ZBBX: variants seen among roughly 807,000 people sequenced by gnomAD.
ZBBX encodes zinc finger B-box domain-containing protein 1.
Under a neutral mutation model 108.5 loss-of-function variants are expected in ZBBX, and 101 were observed. The observed-to-expected ratio is 0.93, with a 90% confidence interval of 0.79 to 1.10. The LOEUF is 1.10. Ranked by LOEUF, ZBBX falls within the 50% of genes least tolerant of loss-of-function variation. The probability of loss-of-function intolerance (pLI) is 0.00; values close to 1 mark genes in which losing one functional copy is unlikely to be tolerated. For missense variants in ZBBX, 1,009 were observed against 941.4 expected (o/e 1.07, Z -0.94); for synonymous variants, 356 against 323.4 (o/e 1.10, Z -1.08).
At chr3:167,346,158 A>G (rs912576247) in intron 9 of ZBBX, among the ~76,000 whole-genome samples, 4 of 151,854 alleles carry the variant, frequency 2.6e-5, no homozygotes, top group African/African-American at 9.7e-5. Context: ...CTTTTGTTTC[A>G]ACCCTTAGTG....
chr3:167,214,971 G>T, the ZBBX span, among the ~76,000 whole-genome samples: 1 of 151,950 alleles, frequency 6.6e-6, no homozygotes, highest in Admixed American at 6.6e-5. Context: ...AAAATCTCTG[G>T]GACACAGTTG....
intron 20 of ZBBX, among the ~76,000 whole-genome samples, chr3:167,262,265 G>C (rs1297109766): frequency 6.6e-6 from 1 of 152,140 alleles, no homozygotes; most frequent in Non-Finnish European, 1.5e-5. Context: ...GGGTCTGTGG[G>C]TCCTCTCAGG....
chr3:167,305,899 G>C lies in ZBBX; in HGVS notation c.1469C>G (p.Ser490Cys), dbSNP rs770406065. ...TTCCTCAATTTTTTCAATGTCAGAA[G>C]AATACACATCAGGATCCACGATGTT... is the stretch of plus-strand genomic sequence containing the variant. ...FDNIVDPDVYSSDIEKIEEST... is the reference protein window; with the variant it reads ...FDNIVDPDVYCSDIEKIEEST... The change falls in exon 17 of 22, where the codon TCT becomes TGT. Residue 490 changes from serine (S) to cysteine (C), a missense_variant. Coordinates refer to ENST00000675490, the MANE Select transcript of ZBBX (RefSeq NM_001199201.2). The C allele has an allele frequency of 1.2e-6, 2 of 1,605,642 alleles. No homozygotes were observed. The highest frequency in any genetic ancestry group is 4.5e-5 in the East Asian group (2 of 44,702).
In ZBBX at chr3:167,266,527, T is replaced by C. The variant is rs140168157; in HGVS notation, c.2254+15711A>G. Among the ~76,000 whole-genome samples the C allele has an allele frequency of 8.4e-4, 128 of 151,552 alleles. 2 individuals are homozygous for C. In the East Asian group the frequency reaches 0.024, roughly 29 times the overall value. On this transcript the variant is annotated intron_variant, in intron 20 of 21. Transcript: ENST00000675490. Reference sequence around the variant, plus strand: ...GCACGTCTCACAAGCTCCACCACTGTACCTCACATCCCCCTCCCTTCCATA... The same window carrying C: ...GCACGTCTCACAAGCTCCACCACTGCACCTCACATCCCCCTCCCTTCCATA...
At chr3:167,390,201 C>T (rs1748045756) in intron 1 of ZBBX, among the ~76,000 whole-genome samples, 1 of 152,072 alleles carries the variant, frequency 6.6e-6, no homozygotes, top group Non-Finnish European at 1.5e-5. Context: ...GTTTTCCTAG[C>T]ACCATTTATT....
chr3:167,269,451 T>G (rs552185676), intron 20 of ZBBX, among the ~76,000 whole-genome samples: 4 of 152,314 alleles, frequency 2.6e-5, no homozygotes, highest in Non-Finnish European at 5.9e-5. Context: ...TAAGTTAGTC[T>G]AAAAGGATTC....
At chr3:167,336,254 T>C (rs1323681302) in intron 9 of ZBBX, among the ~76,000 whole-genome samples, 1 of 151,994 alleles carries the variant, frequency 6.6e-6, no homozygotes, top group African/African-American at 2.4e-5. Context: ...GAATCAGAAA[T>C]AGTGAAAAAC....
intron 20 of ZBBX, among the ~76,000 whole-genome samples, chr3:167,276,170 A>C (rs1352249100): frequency 6.6e-6 from 1 of 152,214 alleles, no homozygotes; most frequent in Non-Finnish European, 1.5e-5. Flanking sequence ...TGGAAACTCT[A>C]AAAAGCAGAG....
At chr3:167,330,945 T>TTCTCTCTCTCTCTCTCTCTC (rs151154237) in intron 10 of ZBBX, among the ~76,000 whole-genome samples, 4,154 of 86,976 alleles carry the variant, frequency 0.048, 444 homozygotes, top group African/African-American at 0.14. Flanking sequence ...CTCTCTTTCT[T>TTCTCTCTCTCTCTCTCTCTC]TCTCTCTCTC....
Position 167,239,989 on chromosome 3 carries a change from C to A in ZBBX, c.*804G>T, listed in dbSNP as rs1482957005. On this transcript the variant is annotated 3_prime_UTR_variant, in exon 22 of 22. Coordinates refer to ENST00000675490, the MANE Select transcript of ZBBX (RefSeq NM_001199201.2). The stretch of plus-strand genomic sequence containing the variant: ...TCCTGAGCAAAAGGGGGGACAGCCC[C>A]TTATAAAACCATCAGATCACATGAG... 6.6e-6 allele frequency among the ~76,000 whole-genome samples: 1 copy of A among 152,064 alleles called. No individual in the cohort carries two copies. Among genetic ancestry groups the A allele is most frequent in the East Asian group, 1.9e-4 (1 of 5,166 alleles).
chr3:167,182,064 G>T, the ZBBX span, among the ~76,000 whole-genome samples: 1 of 152,104 alleles, frequency 6.6e-6, no homozygotes, highest in South Asian at 2.1e-4. Flanking sequence ...TTGCATTTTG[G>T]ACATATTCCA....
the ZBBX span, among the ~76,000 whole-genome samples, chr3:167,204,510 C>T: frequency 2.7e-5 from 4 of 147,202 alleles, no homozygotes; most frequent in East Asian, 2.0e-4. Context: ...TTTGTTCTTG[C>T]GATAGTTTAC....
chr3:167,191,896 C>CATATATATATAT, the ZBBX span, among the ~76,000 whole-genome samples: 1,382 of 67,562 alleles, frequency 0.02, 121 homozygotes, highest in East Asian at 0.029. Flanking sequence ...TTACAAAAAT[C>CATATATATATAT]ATATATATAT....
chr3:167,284,971 A>T (rs567575186), intron 19 of ZBBX, among the ~76,000 whole-genome samples: 116 of 152,070 alleles, frequency 7.6e-4, no homozygotes, highest in East Asian at 5.2e-3. Flanking sequence ...ATTTTTTTTA[A>T]AAAAAATCTC....
At chr3:167,231,866 T>A in the ZBBX span, among the ~76,000 whole-genome samples, 1 of 151,814 alleles carries the variant, frequency 6.6e-6, no homozygotes, top group African/African-American at 2.4e-5. Context: ...AAAATGGAAA[T>A]ACACTTTCAT....
At chr3:167,318,584 A>G (rs1374435714) in intron 12 of ZBBX, among the ~76,000 whole-genome samples, 1 of 151,994 alleles carries the variant, frequency 6.6e-6, no homozygotes, top group Non-Finnish European at 1.5e-5. Flanking sequence ...TTTCAAAGGC[A>G]TTAAAATTTT....
At chr3:167,355,023 C>G (rs1743295205) in intron 8 of ZBBX, among the ~76,000 whole-genome samples, 1 of 151,908 alleles carries the variant, frequency 6.6e-6, no homozygotes, top group Admixed American at 6.6e-5. Flanking sequence ...AATAAGGACT[C>G]CTTCCCACCA....
At chr3:167,388,751 T>C (rs1005511234) in intron 1 of ZBBX, among the ~76,000 whole-genome samples, 6 of 151,948 alleles carry the variant, frequency 3.9e-5, no homozygotes, top group African/African-American at 1.4e-4. Flanking sequence ...TATTTACTGG[T>C]CTAAGATAAA....
intron 4 of ZBBX, among the ~76,000 whole-genome samples, chr3:167,371,573 A>G (rs944679946): frequency 6.6e-6 from 1 of 152,166 alleles, no homozygotes; most frequent in Non-Finnish European, 1.5e-5. Context: ...ATCATTCCCT[A>G]GCACAGTGTA....
Sources: gnomAD v4.1 joint callset for allele counts (sites outside exome capture counted in the v4.1 genomes callset) on GRCh38, gnomAD v4.1.1 for gene constraint, MANE v1.5 for transcripts, NCBI Gene and HGNC (gene_info 2026-07-23, HGNC 2026-07-21) for gene names.